The following SEZ6L variants were observed in gnomAD, a reference collection of about 807,000 sequenced individuals.
SEZ6L encodes seizure related 6 homolog like, also known as seizure 6-like protein.
A neutral mutation model predicts 106.2 loss-of-function variants in SEZ6L; 37 were observed. The ratio of observed to expected loss-of-function variants is 0.35; its 90% CI spans 0.27 to 0.46. SEZ6L has a LOEUF of 0.46. Among genes scored for constraint, SEZ6L ranks in the 20% least tolerant of loss-of-function variants. SEZ6L has a pLI of 1.00. For synonymous variants in SEZ6L, 541 were observed against 570.4 expected (o/e 0.95, Z 0.73); for missense variants, 1,172 against 1,332.8 (o/e 0.88, Z 1.88).
intron 12 of SEZ6L, among the ~76,000 whole-genome samples, chr22:26,357,223 C>T (rs1374874609): frequency 1.3e-5 from 2 of 152,120 alleles, no homozygotes; most frequent in Non-Finnish European, 2.9e-5. Context: ...GGGATTACAG[C>T]CATGCGCCAC....
chr22:26,310,306 C>G (rs574502537), intron 6 of SEZ6L, among the ~76,000 whole-genome samples: 1 of 152,104 alleles, frequency 6.6e-6, no homozygotes, highest in Non-Finnish European at 1.5e-5. Context: ...GAGGCCAAGG[C>G]GGGTGGATCA....
At chr22:26,313,458 TTC>T (rs1569458652) in intron 8 of SEZ6L, among the ~76,000 whole-genome samples, 1 of 152,100 alleles carries the variant, frequency 6.6e-6, no homozygotes, top group Non-Finnish European at 1.5e-5. Context: ...TGAGGAGTCA[TTC>T]TGACCACTGA....
intron 12 of SEZ6L, among the ~76,000 whole-genome samples, chr22:26,356,152 C>A (rs2083429453): frequency 1.3e-5 from 2 of 152,214 alleles, no homozygotes; most frequent in South Asian, 4.1e-4. Flanking sequence ...ACTCATGACA[C>A]CCTTGGTGTC....
At chr22:26,228,419 A>G (rs1245170861) in intron 1 of SEZ6L, among the ~76,000 whole-genome samples, 1 of 152,130 alleles carries the variant, frequency 6.6e-6, no homozygotes, top group Non-Finnish European at 1.5e-5. Flanking sequence ...CCCCTGCCCC[A>G]ATGTCCTGTA....
At chr22:26,326,910 C>T (rs555949126) in intron 9 of SEZ6L, among the ~76,000 whole-genome samples, 2 of 152,342 alleles carry the variant, frequency 1.3e-5, no homozygotes, top group East Asian at 3.9e-4. Flanking sequence ...GAAGCTGGGA[C>T]AAGCCCTCCA....
At chr22:26,265,504 C>T (rs2145827210) in intron 1 of SEZ6L, among the ~76,000 whole-genome samples, 1 of 152,196 alleles carries the variant, frequency 6.6e-6, no homozygotes, top group East Asian at 1.9e-4. Context: ...TTACATATTC[C>T]CCAAAAAGAG....
chr22:26,180,952 A>G (rs1939347926), intron 1 of SEZ6L, among the ~76,000 whole-genome samples: 1 of 152,216 alleles, frequency 6.6e-6, no homozygotes, highest in African/African-American at 2.4e-5. Context: ...GCACAGGATT[A>G]GGACTGAGGT....
chr22:26,351,513 T>TTTG (rs1569475077), intron 12 of SEZ6L: 40 of 321,550 alleles, frequency 1.2e-4, no homozygotes, highest in Middle Eastern at 1.8e-3. Context: ...TACTTTGTTT[T>TTTG]TTTGTTTGTT....
chr22:26,193,270 G>A (rs145616585), intron 1 of SEZ6L, among the ~76,000 whole-genome samples: 29 of 152,270 alleles, frequency 1.9e-4, no homozygotes, highest in Non-Finnish European at 3.2e-4. Context: ...GAAAAAATTC[G>A]TGTGAGACAA....
chr22:26,230,259 T>A (rs758661110), intron 1 of SEZ6L, among the ~76,000 whole-genome samples: 2 of 151,760 alleles, frequency 1.3e-5, no homozygotes, highest in Non-Finnish European at 2.9e-5. Flanking sequence ...ACTTTACAAT[T>A]TGGGAAACTG....
chr22:26,354,562 T>A (rs1366984528), intron 12 of SEZ6L, among the ~76,000 whole-genome samples: 2 of 152,168 alleles, frequency 1.3e-5, no homozygotes, highest in African/African-American at 4.8e-5. Context: ...TTCTAGTGAC[T>A]GCAAGAGCGA....
intron 1 of SEZ6L, among the ~76,000 whole-genome samples, chr22:26,218,290 G>T (rs1328049853): frequency 1.3e-5 from 2 of 152,114 alleles, no homozygotes; most frequent in South Asian, 2.1e-4. Flanking sequence ...GAACGTGCAG[G>T]TTTGTTACAT....
At chr22:26,334,436 T>G (rs1251541031) in intron 9 of SEZ6L, among the ~76,000 whole-genome samples, 1 of 152,244 alleles carries the variant, frequency 6.6e-6, no homozygotes, top group Non-Finnish European at 1.5e-5. Context: ...GAGGTTCACC[T>G]GTGCTGCGGC....
At chr22:26,188,878 A>G (rs1272919676) in intron 1 of SEZ6L, among the ~76,000 whole-genome samples, 1 of 152,254 alleles carries the variant, frequency 6.6e-6, no homozygotes, top group Non-Finnish European at 1.5e-5. Flanking sequence ...AAATAATAGC[A>G]GTAGTCATAA....
At chr22:26,182,720 C>G (rs5761394) in intron 1 of SEZ6L, among the ~76,000 whole-genome samples, 7,378 of 151,916 alleles carry the variant, frequency 0.049, 342 homozygotes, top group East Asian at 0.21. Context: ...TTTACAACAA[C>G]CACATCTATG....
In SEZ6L at chr22:26,169,613, G is replaced by A; in HGVS notation, c.-57G>A. 3 of 621,390 alleles carry A rather than the reference G, an allele frequency of 4.8e-6. No homozygotes were observed. The highest frequency in any genetic ancestry group is 7.3e-6 in the Non-Finnish European group (3 of 408,470). 38.5% of individuals were successfully genotyped at this position (621,390 alleles called of 1,614,324 possible). A position where few individuals can be genotyped will look rare whatever the true frequency, so the allele number is the denominator to read the frequency against. On this transcript the variant is annotated 5_prime_UTR_variant, in exon 1 of 17. Transcript: ENST00000248933. ...CGCTCACCGCCGCCCTCCTTCCCCA[G>A]CTCCCTCGCCGTCCGCCCGCCCCAC...
chr22:26,334,865 C>T (rs2082597321), intron 9 of SEZ6L, among the ~76,000 whole-genome samples: 1 of 152,168 alleles, frequency 6.6e-6, no homozygotes, highest in South Asian at 2.1e-4. Context: ...AGAAGGGATC[C>T]TGCCACTCCC....
In SEZ6L at chr22:26,248,617, C is replaced by G. The variant is rs559124216; in HGVS notation, c.95-43789C>G. Among the ~76,000 whole-genome samples the G allele has an allele frequency of 2.6e-5, 4 of 152,310 alleles. 1 individual carries two copies. The highest frequency in any genetic ancestry group is 6.8e-3 in the Middle Eastern group (2 of 294). On this transcript the variant is annotated intron_variant, in intron 1 of 16. Coordinates refer to ENST00000248933, the MANE Select transcript of SEZ6L (RefSeq NM_021115.5). ...TTGCCCAGCCGTGAATCACGGGATC[C>G]AGGATTTGGACATACAATTCTGACT...
intron 1 of SEZ6L, among the ~76,000 whole-genome samples, chr22:26,254,599 T>C (rs2079742327): frequency 6.6e-6 from 1 of 152,110 alleles, no homozygotes; most frequent in South Asian, 2.1e-4. Flanking sequence ...GCCTGGGTGA[T>C]GAAATGAGAT....
Sources: allele counts gnomAD v4.1 joint callset (sites outside exome capture counted in the v4.1 genomes callset), GRCh38; gene constraint gnomAD v4.1.1; transcripts MANE v1.5; gene names NCBI Gene and HGNC (gene_info 2026-07-23, HGNC 2026-07-21).